ZNF787: variants seen among roughly 807,000 people sequenced by gnomAD.
ZNF787 encodes the protein zinc finger protein 787.
Under a neutral mutation model 16.9 loss-of-function variants are expected in ZNF787, and 7 were observed. That is an observed-to-expected ratio of 0.42 (90% confidence interval 0.24 to 0.78). The LOEUF is 0.78. Ranked by LOEUF, ZNF787 falls within the 30% of genes least tolerant of loss-of-function variation. The pLI, the probability that ZNF787 is intolerant of heterozygous loss-of-function variation, is 0.30. For missense variants in ZNF787, 551 were observed against 589.3 expected, an observed-to-expected ratio of 0.94 and a Z score of 0.67; for synonymous variants, 345 against 270.9, an observed-to-expected ratio of 1.27 and a Z score of -2.69.
intron 1 of ZNF787, among the ~76,000 whole-genome samples, chr19:56,119,987 A>G (rs578069): frequency 0.95 from 144,385 of 152,130 alleles, 69,169 homozygotes; most frequent in African/African-American, 0.99. Context: ...CAAAGAGCAG[A>G]CCAAGCCATT....
chr19:56,087,891 A>C lies in ZNF787; in HGVS notation c.*132T>G. The C allele has an allele frequency of 7.9e-7, 1 of 1,261,738 alleles. No homozygotes were observed. The highest frequency in any genetic ancestry group is 2.3e-5 in the South Asian group (1 of 43,304). The allele number at this position is 1,261,738 out of a possible 1,614,324, so 78.2% of individuals were successfully genotyped here. A position where few individuals can be genotyped will look rare whatever the true frequency, so the allele number is the denominator to read the frequency against. ...CCCACGGACGGCGCAGGGACAGAGG[A>C]GGGCGGGGAGCCGGGGATGCCGCGG... On this transcript the variant is annotated 3_prime_UTR_variant, in exon 3 of 3. Transcript: ENST00000610935.
At chr19:56,099,991 G>A (rs995955174) in intron 2 of ZNF787, among the ~76,000 whole-genome samples, 1 of 152,162 alleles carries the variant, frequency 6.6e-6, no homozygotes, top group Non-Finnish European at 1.5e-5. Context: ...AGGGACAGAG[G>A]TCGCAGGAAG....
chr19:56,088,035 C>T lies in ZNF787; in HGVS notation c.1137G>A (p.Gly379=). The change falls in exon 3 of 3, where the codon GGG becomes GGA. Residue 379 remains glycine, a synonymous_variant. Coordinates refer to ENST00000610935, the MANE Select transcript of ZNF787 (RefSeq NM_001002836.4). The surrounding 1 kb of genome is among the most constrained non-coding windows in gnomAD (Gnocchi z 8.6). Reference sequence around the variant, plus strand: ...CCGGGCCCCTCCCCTACCGGCCCTCCCCACCGCGGCACTCGGGGCACCGCC... The same window carrying T: ...CCGGGCCCCTCCCCTACCGGCCCTCTCCACCGCGGCACTCGGGGCACCGCC... ...AGGRCPECRG[G]EGR 7.7e-7 allele frequency: 1 copy of T among 1,300,038 alleles called. No homozygotes were observed. Among genetic ancestry groups the T allele is most frequent in the Non-Finnish European group, 9.8e-7 (1 of 1,021,840 alleles). The allele number at this position is 1,300,038 out of a possible 1,614,324, so 80.5% of individuals were successfully genotyped here. A position where few individuals can be genotyped will look rare whatever the true frequency, so the allele number is the denominator to read the frequency against.
intron 2 of ZNF787, among the ~76,000 whole-genome samples, chr19:56,099,712 A>AAAAAT: frequency 6.7e-6 from 1 of 150,026 alleles, no homozygotes; most frequent in Non-Finnish European, 1.5e-5. Flanking sequence ...CTCCGTCTCA[A>AAAAAT]AAAAAAAAAA....
intron 1 of ZNF787, among the ~76,000 whole-genome samples, chr19:56,113,579 G>A (rs919954864): frequency 6.6e-6 from 1 of 152,094 alleles, no homozygotes; most frequent in Non-Finnish European, 1.5e-5. Context: ...AACACGGCAC[G>A]CTTGGTAAAA....
intron 1 of ZNF787, among the ~76,000 whole-genome samples, chr19:56,114,507 A>C (rs2030076561): frequency 6.8e-6 from 1 of 147,940 alleles, no homozygotes; most frequent in Admixed American, 6.7e-5. Context: ...TCATTCCTCC[A>C]CCTGCCCCGG....
At chr19:56,100,062 C>T (rs145619365) in intron 2 of ZNF787, among the ~76,000 whole-genome samples, 152 of 152,020 alleles carry the variant, frequency 1.0e-3, no homozygotes, top group Non-Finnish European at 1.8e-3. Flanking sequence ...GAAGAAGCGA[C>T]CATACTCGGG....
intron 2 of ZNF787, chr19:56,101,667 T>G (rs1285760441): frequency 6.6e-6 from 1 of 152,066 alleles, no homozygotes; most frequent in Non-Finnish European, 1.5e-5. Context: ...CCTTACATGT[T>G]GGAGAATTTA....
At chr19:56,114,101 G>A (rs190766741) in intron 1 of ZNF787, among the ~76,000 whole-genome samples, 104 of 152,264 alleles carry the variant, frequency 6.8e-4, no homozygotes, top group East Asian at 9.7e-4. Flanking sequence ...TGCACGTGCC[G>A]GCTGCCCCTC....
intron 1 of ZNF787, among the ~76,000 whole-genome samples, chr19:56,113,306 G>T (rs2030034110): frequency 6.6e-6 from 1 of 152,118 alleles, no homozygotes; most frequent in South Asian, 2.1e-4. Context: ...GAAACACCTG[G>T]CAGTTAGTTC....
intron 2 of ZNF787, chr19:56,101,540 G>A (rs1185878271): frequency 6.6e-6 from 1 of 152,282 alleles, no homozygotes; most frequent in Non-Finnish European, 1.5e-5. Context: ...AAGCATTTTG[G>A]AGACAACGAA....
rs184200232 is a variant in ZNF787, at chr19:56,109,195, G to C, written c.-10-5968C>G. ...CTGTATTAAGGGAAAAAGCCTAAAGGGGTGTCTTGGACAGCGGCTGGGGCT... is the reference window on the plus strand; with the variant it reads ...CTGTATTAAGGGAAAAAGCCTAAAGCGGTGTCTTGGACAGCGGCTGGGGCT... On this transcript the variant is annotated intron_variant, in intron 1 of 2. Coordinates refer to ENST00000610935, the MANE Select transcript of ZNF787 (RefSeq NM_001002836.4). Among the ~76,000 whole-genome samples, 5 of 152,296 alleles carry C rather than the reference G, an allele frequency of 3.3e-5. No individual in the cohort carries two copies. The East Asian group carries it at 9.7e-4, about 29-fold the overall frequency.
At position 56,088,247 on chromosome 19, in the gene ZNF787, C is replaced by A. The variant is rs752812326; in HGVS notation, c.925G>T (p.Ala309Ser). ...QRAQHGDGLG[A>S]AGGEEPAHIC... ...TGGGCCGGCTCCTCGCCCCCCGCCG[C>A]CCCGAGCCCGTCCCCGTGCTGGGCC... The change falls in exon 3 of 3, where the codon GCG (alanine) becomes TCG (serine). Residue 309 changes from alanine (A) to serine (S), a missense_variant. Physicochemically the swap from Ala to Ser is moderately conservative, Grantham distance 99. Around this residue, in one of 4 missense-constraint regions of ZNF787, gnomAD observed 392 missense variants for 312.7 expected, o/e 1.25. Transcript: ENST00000610935. The surrounding 1 kb of genome is among the most constrained non-coding windows in gnomAD (Gnocchi z 8.6). 2.7e-6 allele frequency: 4 copies of A among 1,471,802 alleles called. No homozygotes were observed. The East Asian group carries it at 1.2e-4, about 45-fold the overall frequency. The allele number at this position is 1,471,802 out of a possible 1,614,324, so 91.2% of individuals were successfully genotyped here.
At chr19:56,098,352 C>A (rs28477103) in intron 2 of ZNF787, among the ~76,000 whole-genome samples, 9,875 of 152,302 alleles carry the variant, frequency 0.065, 983 homozygotes, top group African/African-American at 0.21. Context: ...AGCTTCAGAA[C>A]CCATTCTCCT....
chr19:56,087,797 C>CGGGCCAGGCTGAGG lies in ZNF787; in HGVS notation c.*212_*225dup, dbSNP rs1985343316. 3 of 647,982 alleles carry CGGGCCAGGCTGAGG rather than the reference C, an allele frequency of 4.6e-6. No homozygotes were observed. In the African/African-American group the frequency reaches 5.8e-5, roughly 12 times the overall value. 40.1% of individuals were successfully genotyped at this position (647,982 alleles called of 1,614,324 possible). On this transcript the variant is annotated 3_prime_UTR_variant, in exon 3 of 3. Coordinates refer to ENST00000610935, the MANE Select transcript of ZNF787 (RefSeq NM_001002836.4). ...TCGCAGGCCGATAACTTAGGAAGGG[C>CGGGCCAGGCTGAGG]GGGCCAGGCTGAGGGGGCAGAGTCT...
At position 56,088,896 on chromosome 19, in the gene ZNF787, C is replaced by T. The variant is rs571520122; in HGVS notation, c.276G>A (p.Arg92=). 7.5e-6 allele frequency: 12 copies of T among 1,603,160 alleles called. No individual in the cohort carries two copies. In the South Asian group the frequency reaches 1.2e-4, roughly 16 times the overall value. Residue 92 remains arginine (R), a synonymous_variant, in exon 3 of 3, where the codon CGG becomes CGA. Coordinates refer to ENST00000610935, the MANE Select transcript of ZNF787 (RefSeq NM_001002836.4). This position sits in a 1 kb window ranked among gnomAD's most constrained non-coding sequence, Gnocchi z 8.6. ...TRHQRTHTGE[R]PNACADCGKT... is the part of the protein sequence containing the mutation. Reference sequence around the variant, plus strand: ...TGCCGCAGTCGGCGCAGGCGTTGGGCCGCTCGCCGGTGTGCGTGCGCTGGT... The same window carrying T: ...TGCCGCAGTCGGCGCAGGCGTTGGGTCGCTCGCCGGTGTGCGTGCGCTGGT...
intron 1 of ZNF787, among the ~76,000 whole-genome samples, chr19:56,107,959 G>A (rs1271076622): frequency 3.3e-5 from 5 of 152,258 alleles, no homozygotes; most frequent in East Asian, 1.9e-4. Flanking sequence ...GGAGGACTGC[G>A]AGTCACCTGA....
chr19:56,115,968 C>G (rs1427808024), intron 1 of ZNF787, among the ~76,000 whole-genome samples: 1 of 152,190 alleles, frequency 6.6e-6, no homozygotes, highest in Non-Finnish European at 1.5e-5. Context: ...ACAAAGTACA[C>G]TATGGACTCT....
At chr19:56,117,982 G>A (rs2030186414) in intron 1 of ZNF787, among the ~76,000 whole-genome samples, 1 of 152,250 alleles carries the variant, frequency 6.6e-6, no homozygotes, top group Admixed American at 6.5e-5. Context: ...CCCAAAGGGA[G>A]AAGGCTCAGG....
Sources: allele counts gnomAD v4.1 joint callset (sites outside exome capture counted in the v4.1 genomes callset), GRCh38; gene constraint gnomAD v4.1.1; regional missense constraint gnomAD v4.1.1; non-coding constraint Gnocchi (gnomAD v3.1); transcripts MANE v1.5; gene names NCBI Gene and HGNC (gene_info 2026-07-23, HGNC 2026-07-21).